The following CLVS1 variants were observed in gnomAD, a reference collection of about 807,000 sequenced individuals.
CLVS1 encodes clavesin-1.
CLVS1 carries 10 observed loss-of-function variants against 33.1 expected under a neutral mutation model. The observed-to-expected ratio is 0.30, with a 90% CI of 0.19 to 0.51. CLVS1 has a LOEUF of 0.51. Among genes scored for constraint, CLVS1 ranks in the 20% least tolerant of loss-of-function variants. The pLI, the probability that CLVS1 is intolerant of heterozygous loss-of-function variation, is 0.97. For missense variants in CLVS1, 343 were observed against 433.4 expected (o/e 0.79, Z 1.85); for synonymous variants, 163 against 166.1 (o/e 0.98, Z 0.14).
At chr8:61,052,542 T>C (rs1026362600), upstream of CLVS1, among the ~76,000 whole-genome samples, 1 of 52,952 alleles carries the variant, frequency 1.9e-5, no homozygotes, top group Non-Finnish European at 3.2e-5. Context: ...GAGGGAGTCA[T>C]GCCGAGATCT....
chr8:61,340,770 A>G (rs979620799), intron 2 of CLVS1, among the ~76,000 whole-genome samples: 1 of 152,198 alleles, frequency 6.6e-6, no homozygotes, highest in Non-Finnish European at 1.5e-5. Context: ...ATTGTTTTCC[A>G]TGATGGCTGT....
intron 2 of CLVS1, among the ~76,000 whole-genome samples, chr8:61,341,409 A>G (rs1240079075): frequency 6.6e-6 from 1 of 152,248 alleles, no homozygotes; most frequent in African/African-American, 2.4e-5. Flanking sequence ...CCACACGTAC[A>G]ATGTGTTCAC....
At chr8:61,098,660 G>A (rs1190430181) in intron 1 of CLVS1, among the ~76,000 whole-genome samples, 1 of 152,094 alleles carries the variant, frequency 6.6e-6, no homozygotes, top group African/African-American at 2.4e-5. Flanking sequence ...CCATTTACCA[G>A]ACAGGGACAT....
intron 2 of CLVS1, among the ~76,000 whole-genome samples, chr8:61,354,410 G>A (rs1224625769): frequency 3.3e-5 from 5 of 151,790 alleles, no homozygotes; most frequent in Non-Finnish European, 5.9e-5. Flanking sequence ...CAATTTGGTA[G>A]TTTCTTTAAA....
intron 5 of CLVS1, among the ~76,000 whole-genome samples, chr8:61,493,615 T>C (rs568339249): frequency 2.6e-4 from 39 of 152,306 alleles, no homozygotes; most frequent in African/African-American, 8.9e-4. Context: ...ATTTCCTTGA[T>C]ACTTAAAGTT....
intron 2 of CLVS1, among the ~76,000 whole-genome samples, chr8:61,354,522 T>G (rs1812606809): frequency 6.6e-6 from 1 of 152,098 alleles, no homozygotes; most frequent in South Asian, 2.1e-4. Flanking sequence ...CAAAAAAGCC[T>G]ATACACAAAT....
intron 5 of CLVS1, among the ~76,000 whole-genome samples, chr8:61,484,647 C>G (rs1482554538): frequency 1.1e-4 from 16 of 152,198 alleles, no homozygotes; most frequent in Admixed American, 3.3e-4. Flanking sequence ...ACAATCCTAA[C>G]CCAAAAGAAC....
At chr8:61,005,887 C>T in the CLVS1 span, among the ~76,000 whole-genome samples, 58 of 152,272 alleles carry the variant, frequency 3.8e-4, no homozygotes, top group African/African-American at 1.3e-3. Context: ...AGCTGCACCC[C>T]AGCCGAGGCG....
At chr8:61,267,807 T>A (rs1377100194) in intron 2 of CLVS1, among the ~76,000 whole-genome samples, 1 of 152,202 alleles carries the variant, frequency 6.6e-6, no homozygotes. Flanking sequence ...GTTTCAAAAC[T>A]CATAAAATAG....
intron 3 of CLVS1, among the ~76,000 whole-genome samples, chr8:61,443,899 T>C (rs1265278176): frequency 6.6e-6 from 1 of 152,170 alleles, no homozygotes; most frequent in East Asian, 1.9e-4. Context: ...GATCTTTTTT[T>C]ACTTCTTTCA....
chr8:61,108,125 G>T (rs1213882395), intron 1 of CLVS1, among the ~76,000 whole-genome samples: 1 of 150,556 alleles, frequency 6.6e-6, no homozygotes, highest in Non-Finnish European at 1.5e-5. Flanking sequence ...AAAAAATTTA[G>T]CCAGGCGTGG....
intron 2 of CLVS1, among the ~76,000 whole-genome samples, chr8:61,175,070 C>CATAG (rs1318116629): frequency 6.6e-6 from 1 of 152,132 alleles, no homozygotes; most frequent in East Asian, 1.9e-4. Flanking sequence ...CTTAGTAAGT[C>CATAG]ATAGATAGGT....
chr8:61,423,683 G>A (rs1301224976), intron 3 of CLVS1, among the ~76,000 whole-genome samples: 1 of 152,114 alleles, frequency 6.6e-6, no homozygotes, highest in Non-Finnish European at 1.5e-5. Flanking sequence ...TGTTATATCT[G>A]TGCTCCAAAT....
chr8:61,163,189 C>T (rs1806784753), intron 2 of CLVS1, among the ~76,000 whole-genome samples: 1 of 152,178 alleles, frequency 6.6e-6, no homozygotes, highest in South Asian at 2.1e-4. Flanking sequence ...TGCACAGACA[C>T]CAGCCTTAAC....
chr8:61,171,213 T>C (rs1219670330), intron 2 of CLVS1, among the ~76,000 whole-genome samples: 3 of 152,168 alleles, frequency 2.0e-5, no homozygotes, highest in Non-Finnish European at 4.4e-5. Flanking sequence ...CCAGGTCCTG[T>C]GGTCAATACA....
chr8:61,172,874 T>C (rs371038936), intron 2 of CLVS1, among the ~76,000 whole-genome samples: 2 of 152,260 alleles, frequency 1.3e-5, no homozygotes, highest in African/African-American at 4.8e-5. Context: ...ATAAAAAGCA[T>C]GGAGGATTTT....
upstream of CLVS1, among the ~76,000 whole-genome samples, chr8:61,056,359 G>A (rs930693311): frequency 6.6e-6 from 1 of 152,158 alleles, no homozygotes; most frequent in Non-Finnish European, 1.5e-5. Context: ...TTTCTAGAAT[G>A]GAAGTAAACA....
the CLVS1 span, among the ~76,000 whole-genome samples, chr8:61,023,576 A>G: frequency 2.0e-5 from 3 of 152,146 alleles, no homozygotes; most frequent in Non-Finnish European, 4.4e-5. Context: ...AATTTCCTTT[A>G]TTATTATTGT....
the CLVS1 span, among the ~76,000 whole-genome samples, chr8:61,039,541 A>C: frequency 1.3e-5 from 2 of 151,910 alleles, no homozygotes; most frequent in Non-Finnish European, 2.9e-5. Flanking sequence ...CTTTTTAATA[A>C]TTTGAACTTT....
Sources: allele counts gnomAD v4.1 joint callset (sites outside exome capture counted in the v4.1 genomes callset), GRCh38; gene constraint gnomAD v4.1.1; transcripts MANE v1.5; gene names NCBI Gene and HGNC (gene_info 2026-07-23, HGNC 2026-07-21).